Variants in TEX14 observed in about 807,000 individuals in gnomAD.
The protein encoded by TEX14 is testis expressed 14, intercellular bridge forming factor.
A neutral mutation model predicts 178.6 loss-of-function variants in TEX14; 168 were observed. The ratio of observed to expected loss-of-function variants is 0.94; its 90% CI spans 0.83 to 1.07. TEX14 has a LOEUF of 1.07. Ranked by LOEUF, TEX14 falls within the 50% of genes least tolerant of loss-of-function variation. The pLI, the probability that TEX14 is intolerant of heterozygous loss-of-function variation, is 0.00. For missense variants in TEX14, 1,730 were observed against 1,753.6 expected (o/e 0.99, Z 0.24); for synonymous variants, 626 against 634.1 (o/e 0.99, Z 0.19).
chr17:58,640,426 A>G (rs571135101), intron 2 of TEX14, among the ~76,000 whole-genome samples: 1 of 152,316 alleles, frequency 6.6e-6, no homozygotes, highest in East Asian at 1.9e-4. Context: ...TGACACACAG[A>G]AAGATTAGGT....
At position 58,609,860 on chromosome 17, in the gene TEX14, A is replaced by C. The variant is rs551236484; in HGVS notation, c.1184+1301T>G. Among the ~76,000 whole-genome samples the C allele has an allele frequency of 2.6e-5, 4 of 152,358 alleles. No individual in the cohort carries two copies. The East Asian group carries it at 7.7e-4, about 29-fold the overall frequency. On this transcript the variant is annotated intron_variant, in intron 10 of 31. Transcript: ENST00000349033. Reference sequence around the variant, plus strand: ...AAATCCCTGCCTCATGTAGCTTTTCATCTTTGAGAGAAGTTACAGAGTATG... The same window carrying C: ...AAATCCCTGCCTCATGTAGCTTTTCCTCTTTGAGAGAAGTTACAGAGTATG...
At chr17:58,586,887 T>G (rs7218778) in intron 17 of TEX14, among the ~76,000 whole-genome samples, 34,368 of 151,972 alleles carry the variant, frequency 0.23, 4,235 homozygotes, top group South Asian at 0.33. Context: ...TGTGTTGAAG[T>G]TGCCCCAGTC....
chr17:58,623,505 T>G (rs2046052817), intron 3 of TEX14, among the ~76,000 whole-genome samples: 1 of 151,262 alleles, frequency 6.6e-6, no homozygotes, highest in East Asian at 2.0e-4. Context: ...CACAAAACCT[T>G]GGCATCAGCA....
In TEX14 at chr17:58,577,374, C is replaced by T. The variant is rs2044703638; in HGVS notation, c.3320+1G>A. On this transcript the variant is annotated splice_donor_variant, in intron 21 of 31. Transcript: ENST00000349033. LOFTEE classifies it high-confidence loss of function. ...CTGCATAAGATAATAATAGCCCATA[C>T]CTTCGTACAGGTTGAAATTGAGACC... is the stretch of plus-strand genomic sequence containing the variant. 1.4e-6 allele frequency: 2 copies of T among 1,384,660 alleles called. No individual in the cohort carries two copies. The highest frequency in any genetic ancestry group is 2.0e-6 in the Non-Finnish European group (2 of 1,023,078). 85.8% of individuals were successfully genotyped at this position (1,384,660 alleles called of 1,614,324 possible).
At chr17:58,683,377 C>A (rs160047) in intron 1 of TEX14, among the ~76,000 whole-genome samples, 35 of 149,200 alleles carry the variant, frequency 2.3e-4, no homozygotes, top group South Asian at 1.1e-3. Context: ...CATCCCCCCC[C>A]CCAAAAAAAA....
Position 58,603,887 on chromosome 17 carries a change from CTGTGTGTGTGTGTGTGTGTGTGTG to C in TEX14, c.1336+1067_1336+1090del, listed in dbSNP as rs71143257. Among the ~76,000 whole-genome samples, 249 of 105,288 alleles carry C rather than the reference CTGTGTGTGTGTGTGTGTGTGTGTG, an allele frequency of 2.4e-3. 3 individuals carry two copies. The highest frequency in any genetic ancestry group is 2.3e-3 in the Admixed American group (20 of 8,762). The allele number at this position is 105,288 out of a possible 152,430, so 69.1% of individuals were successfully genotyped here. A position where few individuals can be genotyped will look rare whatever the true frequency, so the allele number is the denominator to read the frequency against. ...AAAAGCAGCCCTTAATGTGATTTTA[CTGTGTGTGTGTGTGTGTGTGTGTG>C]TGTGTGTGTGTGTGTGTGTGTGTGT... On this transcript the variant is annotated intron_variant, in intron 11 of 31. Coordinates refer to ENST00000349033, the MANE Select transcript of TEX14 (RefSeq NM_031272.5).
At chr17:58,617,111 G>A (rs1178319062) in intron 6 of TEX14, among the ~76,000 whole-genome samples, 1 of 152,066 alleles carries the variant, frequency 6.6e-6, no homozygotes, top group Non-Finnish European at 1.5e-5. Context: ...AACCAGGCAT[G>A]GTGGCACACA....
At chr17:58,568,150 T>C (rs1180234031) in intron 26 of TEX14, among the ~76,000 whole-genome samples, 2 of 152,064 alleles carry the variant, frequency 1.3e-5, no homozygotes, top group Non-Finnish European at 2.9e-5. Context: ...AAAGCAGGGG[T>C]GGGAGTGTGG....
At chr17:58,661,095 C>G (rs1306220810) in intron 1 of TEX14, 1 of 967,174 alleles carries the variant, frequency 1.0e-6, no homozygotes, top group Non-Finnish European at 1.7e-6. Context: ...TGCTCCAACA[C>G]CTTCTTCTGC....
intron 2 of TEX14, among the ~76,000 whole-genome samples, chr17:58,650,565 C>T (rs1427056970): frequency 2.0e-5 from 3 of 152,138 alleles, no homozygotes; most frequent in Non-Finnish European, 4.4e-5. Context: ...TCACCTCAGC[C>T]TCCTGGTGTG....
intron 1 of TEX14, among the ~76,000 whole-genome samples, chr17:58,663,378 C>A (rs1382174934): frequency 2.0e-5 from 3 of 146,412 alleles, no homozygotes; most frequent in African/African-American, 7.6e-5. Flanking sequence ...GCCGAGATCA[C>A]ACCACTGCAC....
chr17:58,623,152 C>T (rs953610570), intron 3 of TEX14, 140 bp from the exon 4 acceptor site: 6 of 631,644 alleles, frequency 9.5e-6, no homozygotes, highest in South Asian at 2.2e-5. Flanking sequence ...ATTTGTGAGG[C>T]CCCTGTCTGT....
chr17:58,627,597 C>A (rs774154159), intron 3 of TEX14, among the ~76,000 whole-genome samples: 8 of 151,782 alleles, frequency 5.3e-5, no homozygotes, highest in Non-Finnish European at 8.8e-5. Flanking sequence ...AAGGTGAAAC[C>A]GCATCTCTAC....
At chr17:58,669,297 A>G (rs1190372616) in intron 1 of TEX14, among the ~76,000 whole-genome samples, 1 of 151,638 alleles carries the variant, frequency 6.6e-6, no homozygotes, top group African/African-American at 2.4e-5. Context: ...GGTTGCAGTG[A>G]GCCGAGATCA....
chr17:58,596,409 G>GTAGCTGGGAC (rs949144046), intron 14 of TEX14, among the ~76,000 whole-genome samples: 1 of 152,004 alleles, frequency 6.6e-6, no homozygotes, highest in African/African-American at 2.4e-5. Context: ...AGCCTCCCAA[G>GTAGCTGGGAC]TAGCTGGGAC....
At chr17:58,586,261 GAC>G (rs2044971249) in intron 17 of TEX14, among the ~76,000 whole-genome samples, 179 bp from the exon 18 acceptor site, 1 of 152,128 alleles carries the variant, frequency 6.6e-6, no homozygotes, top group African/African-American at 2.4e-5. Flanking sequence ...GAGAATTGAT[GAC>G]AGAGAGAGAG....
chr17:58,602,251 G>A (rs2045471407), intron 12 of TEX14, 149 bp downstream of exon 12: 1 of 802,252 alleles, frequency 1.2e-6, no homozygotes, highest in Non-Finnish European at 2.0e-6. Context: ...TAAGCAGTTA[G>A]GCTATTATCA....
At chr17:58,562,987 C>T (rs2044302726) in intron 28 of TEX14, among the ~76,000 whole-genome samples, 1 of 151,978 alleles carries the variant, frequency 6.6e-6, no homozygotes, top group East Asian at 2.0e-4. Flanking sequence ...AGGAGGATCA[C>T]TTGAGCCCAG....
In TEX14 at chr17:58,573,287, G is replaced by A. The variant is rs760285300; in HGVS notation, c.3405C>T (p.Asp1135=). The change falls in exon 23 of 32, where the codon GAC becomes GAT. Residue 1135 remains aspartate (D), a synonymous_variant. Transcript: ENST00000349033. ...EKDISLTDIQ[D]LSSISYEPDS... is the part of the protein sequence containing the mutation. ...CTGGTTCATAGGAGATACTAGACAGGTCTTGAATATCCGTCAATGATCTAA... is the reference window on the plus strand; with the variant it reads ...CTGGTTCATAGGAGATACTAGACAGATCTTGAATATCCGTCAATGATCTAA... 1.9e-6 allele frequency: 3 copies of A among 1,613,558 alleles called. No homozygotes were observed. The highest frequency in any genetic ancestry group is 1.1e-5 in the South Asian group (1 of 91,062).
Sources: allele counts gnomAD v4.1 joint callset (sites outside exome capture counted in the v4.1 genomes callset), GRCh38; gene constraint gnomAD v4.1.1; transcripts MANE v1.5; gene names NCBI Gene and HGNC (gene_info 2026-07-23, HGNC 2026-07-21).